MBD5: variants seen among roughly 807,000 people sequenced by gnomAD.
MBD5 encodes methyl-CpG-binding domain protein 5.
MBD5 carries 13 observed loss-of-function variants against 117.3 expected under a neutral mutation model. The ratio of observed to expected loss-of-function variants is 0.11; its 90% CI spans 0.07 to 0.18. The LOEUF (loss-of-function observed/expected upper bound fraction) is 0.18. MBD5 is among the 10% of genes least tolerant of loss of function. The probability of loss-of-function intolerance (pLI) is 1.00; values close to 1 mark genes in which losing one functional copy is unlikely to be tolerated. For missense variants in MBD5, 1,879 were observed against 2,093.8 expected, an observed-to-expected ratio of 0.90 and a Z score of 2.00; for synonymous variants, 727 against 766.4, an observed-to-expected ratio of 0.95 and a Z score of 0.85.
At chr2:148,254,319 T>G (rs1700532679) in intron 3 of MBD5, among the ~76,000 whole-genome samples, 1 of 152,178 alleles carries the variant, frequency 6.6e-6, no homozygotes. Flanking sequence ...GTTACTATGT[T>G]TAAGGCCATT....
intron 1 of MBD5, among the ~76,000 whole-genome samples, chr2:148,124,763 A>G (rs905219908): frequency 6.6e-6 from 1 of 152,056 alleles, no homozygotes; most frequent in Admixed American, 6.6e-5. Flanking sequence ...TTGTATTTTC[A>G]TATTTCTGAA....
intron 1 of MBD5, among the ~76,000 whole-genome samples, chr2:148,083,609 T>G (rs566923429): frequency 6.6e-6 from 1 of 152,146 alleles, no homozygotes; most frequent in Admixed American, 6.5e-5. Flanking sequence ...AATAGTTTCA[T>G]TTTTTATTTA....
chr2:148,305,500 G>A (rs574588557), intron 3 of MBD5, among the ~76,000 whole-genome samples: 1 of 152,242 alleles, frequency 6.6e-6, no homozygotes, highest in African/African-American at 2.4e-5. Flanking sequence ...CTGGTTATTG[G>A]GCTCAAAGCA....
At chr2:148,398,128 C>G (rs1374812826) in intron 4 of MBD5, among the ~76,000 whole-genome samples, 1 of 152,120 alleles carries the variant, frequency 6.6e-6, no homozygotes, top group Non-Finnish European at 1.5e-5. Context: ...GTGCATGTGT[C>G]TTTATAGCAG....
chr2:148,430,316 T>C, intron 4 of MBD5, among the ~76,000 whole-genome samples: 1 of 152,146 alleles, frequency 6.6e-6, no homozygotes, highest in East Asian at 1.9e-4. Context: ...TGTCACTAAG[T>C]CTCACAGCAA....
chr2:148,355,464 G>A (rs1703357944), intron 4 of MBD5, among the ~76,000 whole-genome samples: 2 of 152,200 alleles, frequency 1.3e-5, no homozygotes, highest in East Asian at 1.9e-4. Flanking sequence ...TGTATAAGGT[G>A]TAAGGAAGGG....
chr2:148,291,889 A>T (rs962696717), intron 3 of MBD5, among the ~76,000 whole-genome samples: 3 of 152,238 alleles, frequency 2.0e-5, no homozygotes, highest in African/African-American at 4.8e-5. Context: ...ATGGAACAGA[A>T]TGAGAACCTA....
chr2:148,251,213 A>G (rs951954618), intron 3 of MBD5, among the ~76,000 whole-genome samples: 1 of 152,212 alleles, frequency 6.6e-6, no homozygotes, highest in Non-Finnish European at 1.5e-5. Flanking sequence ...AAAAAGGGCT[A>G]GATTTTTCAG....
rs1303117719 is a variant in MBD5, at chr2:148,136,341, A to G, written c.-924-42359A>G. Reference sequence around the variant, plus strand: ...CTGGGGGGTAGGGGGAAGAATGGCCATAGACAAGTTGTACATAGATAAGTT... The same window carrying G: ...CTGGGGGGTAGGGGGAAGAATGGCCGTAGACAAGTTGTACATAGATAAGTT... On this transcript the variant is annotated intron_variant, in intron 1 of 13. Coordinates refer to ENST00000642680, the MANE Select transcript of MBD5 (RefSeq NM_001378120.1). Among the ~76,000 whole-genome samples the G allele has an allele frequency of 5.9e-5, 9 of 152,220 alleles. No homozygotes were observed. In the East Asian group the frequency reaches 1.5e-3, roughly 26 times the overall value.
rs538891924 is a variant in MBD5, at chr2:148,495,928, G to T, written c.4962+5334G>T. Among the ~76,000 whole-genome samples, 10 of 152,258 alleles carry T rather than the reference G, an allele frequency of 6.6e-5. No homozygotes were observed. The East Asian group carries it at 1.7e-3, about 26-fold the overall frequency. ...CAGAGACAACTTACCTTGCATTCTG[G>T]GGGTGTGTAACTTAAGAAGTTGAGC... On this transcript the variant is annotated intron_variant, in intron 11 of 13. Coordinates refer to ENST00000642680, the MANE Select transcript of MBD5 (RefSeq NM_001378120.1).
At chr2:148,297,131 C>A (rs532502458) in intron 3 of MBD5, among the ~76,000 whole-genome samples, 1 of 152,046 alleles carries the variant, frequency 6.6e-6, no homozygotes, top group Non-Finnish European at 1.5e-5. Flanking sequence ...GTGATCTGCC[C>A]ACCTCAGCCT....
chr2:148,197,633 C>T (rs895963816), intron 2 of MBD5, among the ~76,000 whole-genome samples: 3 of 152,018 alleles, frequency 2.0e-5, no homozygotes, highest in Non-Finnish European at 2.9e-5. Context: ...TTAATGGTTA[C>T]GTATTCTATT....
At chr2:148,454,356 A>G (rs1015773116) in intron 4 of MBD5, among the ~76,000 whole-genome samples, 16 of 152,170 alleles carry the variant, frequency 1.1e-4, no homozygotes, top group Non-Finnish European at 7.4e-5. Flanking sequence ...ATATGATAGA[A>G]TACAATTTCA....
At chr2:148,295,148 A>T (rs1198396790) in intron 3 of MBD5, among the ~76,000 whole-genome samples, 1 of 151,896 alleles carries the variant, frequency 6.6e-6, no homozygotes, top group African/African-American at 2.4e-5. Flanking sequence ...TTTCTTTCTC[A>T]CATCTCCTTC....
intron 1 of MBD5, among the ~76,000 whole-genome samples, chr2:148,033,134 G>C (rs994388778): frequency 6.6e-6 from 1 of 152,088 alleles, no homozygotes; most frequent in African/African-American, 2.4e-5. Flanking sequence ...AAGGTAGAAG[G>C]AGAGTAGAAG....
chr2:148,505,688 A>C (rs1682011897), intron 12 of MBD5, among the ~76,000 whole-genome samples: 2 of 152,222 alleles, frequency 1.3e-5, no homozygotes, highest in Admixed American at 1.3e-4. Flanking sequence ...CTTTCTACCC[A>C]TAATGTGAAA....
At chr2:148,418,499 T>C (rs1705495968) in intron 4 of MBD5, among the ~76,000 whole-genome samples, 2 of 152,206 alleles carry the variant, frequency 1.3e-5, no homozygotes, top group Non-Finnish European at 2.9e-5. Context: ...AAAAGACTCC[T>C]AGATTTAAAA....
At chr2:148,087,602 C>T (rs1460161157) in intron 1 of MBD5, among the ~76,000 whole-genome samples, 1 of 152,126 alleles carries the variant, frequency 6.6e-6, no homozygotes, top group Admixed American at 6.6e-5. Context: ...AGTGGCTAGA[C>T]CCGGAAGAGT....
At chr2:148,311,592 C>G (rs1702033594) in intron 3 of MBD5, among the ~76,000 whole-genome samples, 1 of 152,160 alleles carries the variant, frequency 6.6e-6, no homozygotes, top group African/African-American at 2.4e-5. Flanking sequence ...TGGGTCCTGA[C>G]TCTTTCTCCA....
Sources: gnomAD v4.1 joint callset for allele counts (sites outside exome capture counted in the v4.1 genomes callset) on GRCh38, gnomAD v4.1.1 for gene constraint, MANE v1.5 for transcripts, NCBI Gene and HGNC (gene_info 2026-07-23, HGNC 2026-07-21) for gene names.